GSK3B: variants seen among roughly 807,000 people sequenced by gnomAD.
GSK3B encodes the protein glycogen synthase kinase-3 beta.
Under a neutral mutation model 56.4 loss-of-function variants are expected in GSK3B, and 15 were observed. The observed-to-expected ratio is 0.27, with a 90% confidence interval of 0.18 to 0.41. The LOEUF is 0.41. Ranked by LOEUF, GSK3B falls within the 10% of genes least tolerant of loss-of-function variation. The probability of loss-of-function intolerance (pLI) is 1.00; values close to 1 mark genes in which losing one functional copy is unlikely to be tolerated. For synonymous variants in GSK3B, 181 were observed against 188.9 expected (o/e 0.96, Z 0.34); for missense variants, 300 against 513.4 (o/e 0.58, Z 4.02).
At chr3:120,013,963 A>T (rs2057801858) in intron 1 of GSK3B, among the ~76,000 whole-genome samples, 2 of 151,352 alleles carry the variant, frequency 1.3e-5, no homozygotes, top group Non-Finnish European at 2.9e-5. Context: ...TGAGGTCAGG[A>T]GTTCGAGACC....
intron 4 of GSK3B, among the ~76,000 whole-genome samples, chr3:119,919,846 T>TGACA: frequency 6.7e-6 from 1 of 149,346 alleles, no homozygotes; most frequent in East Asian, 2.0e-4. Context: ...ATAAAGAAGG[T>TGACA]GACACACACA....
rs1386255728 is a variant in GSK3B at position 120,087,956 on chromosome 3, G to A, written c.88+5391C>T. Among the ~76,000 whole-genome samples the A allele has an allele frequency of 4.6e-5, 7 of 151,930 alleles. No homozygotes were observed. In the East Asian group the frequency reaches 7.7e-4, roughly 17 times the overall value. ...CGCCCAGGCTGGAGTGCAGTGGCACGATCTCAGCTCACTGCAATCTCCGCC... is the reference window on the plus strand; with the variant it reads ...CGCCCAGGCTGGAGTGCAGTGGCACAATCTCAGCTCACTGCAATCTCCGCC... On this transcript the variant is annotated intron_variant, in intron 1 of 10. Transcript: ENST00000264235.
chr3:119,966,904 T>C (rs1490844015), intron 2 of GSK3B, among the ~76,000 whole-genome samples: 1 of 151,968 alleles, frequency 6.6e-6, no homozygotes. Context: ...AAAAAGAACA[T>C]TCAGGAATAA....
chr3:119,932,745 G>A (rs557761839), intron 3 of GSK3B, among the ~76,000 whole-genome samples: 1 of 152,174 alleles, frequency 6.6e-6, no homozygotes, highest in African/African-American at 2.4e-5. Context: ...ATAAAAGCCT[G>A]ATTTGTTTTT....
intron 1 of GSK3B, among the ~76,000 whole-genome samples, chr3:120,011,381 T>C (rs1343196498): frequency 6.6e-6 from 1 of 152,174 alleles, no homozygotes; most frequent in Non-Finnish European, 1.5e-5. Flanking sequence ...TAGCATCTCT[T>C]CACTCCAGCC....
At chr3:119,902,046 G>T (rs1026940878) in intron 7 of GSK3B, among the ~76,000 whole-genome samples, 1 of 152,128 alleles carries the variant, frequency 6.6e-6, no homozygotes, top group Non-Finnish European at 1.5e-5. Context: ...AAGCACTAAG[G>T]GTGCATGACT....
chr3:119,919,091 G>T (rs949914821), intron 4 of GSK3B, among the ~76,000 whole-genome samples: 1 of 152,090 alleles, frequency 6.6e-6, no homozygotes, highest in African/African-American at 2.4e-5. Context: ...CTGTTTTAGA[G>T]TTGCATTTTA....
intron 2 of GSK3B, among the ~76,000 whole-genome samples, chr3:119,967,817 C>A (rs1476764459): frequency 8.0e-6 from 1 of 124,466 alleles, no homozygotes; most frequent in East Asian, 2.1e-4. Flanking sequence ...TCCCTCCCTC[C>A]CTTTCTCTCT....
chr3:119,956,806 G>A (rs967412397), intron 2 of GSK3B, among the ~76,000 whole-genome samples: 7 of 152,172 alleles, frequency 4.6e-5, no homozygotes, highest in African/African-American at 1.7e-4. Flanking sequence ...GACAGAGTGA[G>A]AAAAGCTCTA....
intron 10 of GSK3B, among the ~76,000 whole-genome samples, chr3:119,837,581 G>T (rs1015446318): frequency 6.6e-6 from 1 of 152,026 alleles, no homozygotes; most frequent in Non-Finnish European, 1.5e-5. Flanking sequence ...ATAATGAAAG[G>T]TGAACTGAAA....
At chr3:119,990,057 A>C (rs1487677786) in intron 2 of GSK3B, among the ~76,000 whole-genome samples, 2 of 152,158 alleles carry the variant, frequency 1.3e-5, no homozygotes, top group Admixed American at 1.3e-4. Context: ...CCTAAATTCA[A>C]AGGGCATCAG....
intron 8 of GSK3B, among the ~76,000 whole-genome samples, chr3:119,875,498 GAC>G (rs66880409): frequency 0.074 from 10,729 of 144,628 alleles, 464 homozygotes; most frequent in African/African-American, 0.12. Flanking sequence ...GGTAACCCGT[GAC>G]ACACACACAC....
intron 2 of GSK3B, among the ~76,000 whole-genome samples, chr3:119,994,786 T>C (rs754765203): frequency 2.6e-5 from 4 of 152,130 alleles, no homozygotes; most frequent in Non-Finnish European, 5.9e-5. Flanking sequence ...TATAGAAGAC[T>C]AGAGATATCA....
chr3:119,892,455 T>C (rs939240958), intron 7 of GSK3B, among the ~76,000 whole-genome samples: 1 of 152,196 alleles, frequency 6.6e-6, no homozygotes, highest in East Asian at 1.9e-4. Flanking sequence ...TGGTTAGCTC[T>C]CCTAAGAAGG....
rs559313830 is a variant in GSK3B, at chr3:120,009,096, C to T, written c.89-6857G>A. Among the ~76,000 whole-genome samples, 5 of 152,288 alleles carry T rather than the reference C, an allele frequency of 3.3e-5. No homozygotes were observed. In the South Asian group the frequency reaches 1.0e-3, roughly 32 times the overall value. Reference sequence around the variant, plus strand: ...ACATATGAAAAAATGCTCATCGTCACTGGTTATTAGAGAAATGCAAATCAG... The same window carrying T: ...ACATATGAAAAAATGCTCATCGTCATTGGTTATTAGAGAAATGCAAATCAG... On this transcript the variant is annotated intron_variant, in intron 1 of 10. Coordinates refer to ENST00000264235, the MANE Select transcript of GSK3B (RefSeq NM_001146156.2).
At chr3:119,931,091 T>C (rs2056940961) in intron 3 of GSK3B, among the ~76,000 whole-genome samples, 2 of 152,216 alleles carry the variant, frequency 1.3e-5, no homozygotes, top group South Asian at 4.1e-4. Flanking sequence ...AAACACCATA[T>C]GTAGGGAAAA....
rs563945493 is a variant in GSK3B at position 119,835,967 on chromosome 3, A to G, written c.1195+7288T>C. Reference sequence around the variant, plus strand: ...GCTTAACATTTCACCTCTCAAAAACAGTAGAAACAAACAATGAGAGAAATT... The same window carrying G: ...GCTTAACATTTCACCTCTCAAAAACGGTAGAAACAAACAATGAGAGAAATT... On this transcript the variant is annotated intron_variant, in intron 10 of 10. Transcript: ENST00000264235. Among the ~76,000 whole-genome samples the G allele has an allele frequency of 1.2e-4, 18 of 152,338 alleles. No homozygotes were observed. The South Asian group carries it at 2.5e-3, about 21-fold the overall frequency.
chr3:119,870,167 C>T (rs1392121611), intron 8 of GSK3B, among the ~76,000 whole-genome samples: 1 of 152,124 alleles, frequency 6.6e-6, no homozygotes, highest in African/African-American at 2.4e-5. Flanking sequence ...GTTCCTTTTT[C>T]CCTCCACCAT....
chr3:119,945,110 C>A (rs916971141), intron 3 of GSK3B, among the ~76,000 whole-genome samples: 1 of 152,122 alleles, frequency 6.6e-6, no homozygotes, highest in Non-Finnish European at 1.5e-5. Flanking sequence ...ATGAATGGGG[C>A]AAAAAGAAAT....
Sources: allele counts gnomAD v4.1 joint callset (sites outside exome capture counted in the v4.1 genomes callset), GRCh38; gene constraint gnomAD v4.1.1; transcripts MANE v1.5; gene names NCBI Gene and HGNC (gene_info 2026-07-23, HGNC 2026-07-21).